The following LEPR variants were observed in gnomAD, a reference collection of about 807,000 sequenced individuals.
LEPR encodes the protein OB receptor.
In LEPR, 56 loss-of-function variants were observed where a neutral mutation model predicts 114.7. The observed-to-expected ratio is 0.49, with a 90% CI of 0.39 to 0.61. The LOEUF (loss-of-function observed/expected upper bound fraction) is 0.61, where lower values mean the gene tolerates loss of function less well. Ranked by LOEUF, LEPR falls within the 20% of genes least tolerant of loss-of-function variation. The pLI is 0.00. For synonymous variants in LEPR, 443 were observed against 461.4 expected (o/e 0.96, Z 0.51); for missense variants, 1,202 against 1,352.9 (o/e 0.89, Z 1.75).
intron 2 of LEPR, among the ~76,000 whole-genome samples, chr1:65,498,516 C>T (rs747607509): frequency 1.3e-5 from 2 of 151,884 alleles, no homozygotes; most frequent in East Asian, 3.9e-4. Context: ...ATGACGATGG[C>T]GAAATATGAC....
intron 2 of LEPR, among the ~76,000 whole-genome samples, chr1:65,512,177 C>A (rs1311292939): frequency 1.3e-5 from 2 of 152,024 alleles, no homozygotes; most frequent in Admixed American, 1.3e-4. Context: ...AGAGATTTGC[C>A]CCCATGACCC....
At chr1:65,434,327 T>TA (rs1646528691) in intron 2 of LEPR, 9 of 984,914 alleles carry the variant, frequency 9.1e-6, no homozygotes, top group Non-Finnish European at 1.1e-5. Context: ...GGCTCTTTTT[T>TA]TATATATTGT....
intron 2 of LEPR, among the ~76,000 whole-genome samples, chr1:65,534,314 T>C (rs1309099444): frequency 1.3e-5 from 2 of 152,192 alleles, no homozygotes; most frequent in Non-Finnish European, 2.9e-5. Flanking sequence ...CCTTAAGTTA[T>C]CGAAGTTGAA....
intron 2 of LEPR, among the ~76,000 whole-genome samples, chr1:65,546,916 G>A (rs1485597603): frequency 6.6e-6 from 1 of 152,098 alleles, no homozygotes; most frequent in South Asian, 2.1e-4. Context: ...TCCAGTTTTT[G>A]CCCATTCAGT....
rs551628626 is a variant in LEPR at position 65,588,578 on chromosome 1, A to C, written c.495-4079A>C. Among the ~76,000 whole-genome samples, 286 of 152,088 alleles carry C rather than the reference A, an allele frequency of 1.9e-3. 2 individuals carry two copies. The highest frequency in any genetic ancestry group is 6.6e-3 in the African/African-American group (274 of 41,516). On this transcript the variant is annotated intron_variant, in intron 5 of 19. Transcript: ENST00000349533. ...GTAATCCCACCCTCATGCTCCTACCATTGGTACTTCCTCCTCCCACCCCAC... is the reference window on the plus strand; with the variant it reads ...GTAATCCCACCCTCATGCTCCTACCCTTGGTACTTCCTCCTCCCACCCCAC...
At chr1:65,507,914 T>C (rs1250083133) in intron 2 of LEPR, among the ~76,000 whole-genome samples, 2 of 152,238 alleles carry the variant, frequency 1.3e-5, no homozygotes, top group African/African-American at 4.8e-5. Context: ...ATTGTAGTTT[T>C]AATATGCATT....
chr1:65,602,838 C>T (rs1476808452), intron 10 of LEPR, among the ~76,000 whole-genome samples: 3 of 152,042 alleles, frequency 2.0e-5, no homozygotes, highest in Non-Finnish European at 4.4e-5. Context: ...TGTGGCAATT[C>T]GTACATTTCT....
chr1:65,426,771 G>A (rs780181606), intron 2 of LEPR, among the ~76,000 whole-genome samples: 4 of 152,144 alleles, frequency 2.6e-5, no homozygotes, highest in Non-Finnish European at 4.4e-5. Context: ...GGCTGAGGCG[G>A]GCAGATCACG....
intron 2 of LEPR, among the ~76,000 whole-genome samples, chr1:65,498,088 G>A (rs776954790): frequency 1.3e-5 from 2 of 152,100 alleles, no homozygotes; most frequent in Non-Finnish European, 2.9e-5. Context: ...TAGGATAGTG[G>A]TATAATTAAT....
intron 2 of LEPR, among the ~76,000 whole-genome samples, chr1:65,477,602 G>A (rs903417180): frequency 2.0e-5 from 3 of 152,226 alleles, no homozygotes; most frequent in African/African-American, 7.2e-5. Context: ...CACCAAAGGA[G>A]TGTACACTGT....
rs921216859 is a variant in LEPR at position 65,638,328 on chromosome 1, T to A, written c.*1313T>A. 1 of 152,212 alleles carries A rather than the reference T, an allele frequency of 6.6e-6. No individual in the cohort carries two copies. The highest frequency in any genetic ancestry group is 1.5e-5 in the Non-Finnish European group (1 of 68,024). The allele number at this position is 152,212 out of a possible 1,614,324, so 9.4% of individuals were successfully genotyped here. On this transcript the variant is annotated 3_prime_UTR_variant, in exon 20 of 20. Transcript: ENST00000349533. Reference sequence around the variant, plus strand: ...CCTTTAACAACTTAAGATTAATACATAAGTTTATTATTTATTCAACTTTTG... The same window carrying A: ...CCTTTAACAACTTAAGATTAATACAAAAGTTTATTATTTATTCAACTTTTG...
At chr1:65,594,061 A>G (rs1459493030) in intron 6 of LEPR, among the ~76,000 whole-genome samples, 1 of 152,044 alleles carries the variant, frequency 6.6e-6, no homozygotes. Context: ...TTGAATATAT[A>G]TTATAATATC....
chr1:65,552,610 A>G (rs571517677), intron 2 of LEPR, among the ~76,000 whole-genome samples: 2 of 152,148 alleles, frequency 1.3e-5, no homozygotes, highest in Non-Finnish European at 2.9e-5. Context: ...CTCACATGCA[A>G]AGGCATGTGA....
At chr1:65,602,285 T>C (rs974012334) in intron 10 of LEPR, among the ~76,000 whole-genome samples, 1 of 152,002 alleles carries the variant, frequency 6.6e-6, no homozygotes, top group African/African-American at 2.4e-5. Context: ...CTTAGTTGAC[T>C]AGAGGAGAAT....
intron 2 of LEPR, among the ~76,000 whole-genome samples, chr1:65,517,174 T>C (rs922907657): frequency 1.3e-5 from 2 of 152,198 alleles, no homozygotes; most frequent in Non-Finnish European, 2.9e-5. Context: ...CTTTGGTAAA[T>C]ACTCCTGTAA....
intron 2 of LEPR, among the ~76,000 whole-genome samples, chr1:65,551,252 C>G (rs554526452): frequency 6.6e-6 from 1 of 152,070 alleles, no homozygotes; most frequent in Non-Finnish European, 1.5e-5. Context: ...GGAGGAATCC[C>G]TCTTTTCCTG....
chr1:65,480,469 A>G (rs1048806615), intron 2 of LEPR, among the ~76,000 whole-genome samples: 1 of 152,182 alleles, frequency 6.6e-6, no homozygotes, highest in Non-Finnish European at 1.5e-5. Context: ...AACACTCCCT[A>G]TCTCTGGAAA....
chr1:65,626,147 C>T (rs1570852023), intron 19 of LEPR: 1 of 1,612,370 alleles, frequency 6.2e-7, no homozygotes, highest in Non-Finnish European at 8.5e-7. Context: ...AAAGGAACTA[C>T]TGGGTGGAGG....
chr1:65,635,296 T>TA (rs200531368), intron 19 of LEPR: 1 of 969,312 alleles, frequency 1.0e-6, no homozygotes, highest in East Asian at 1.1e-4. Context: ...CAGCTTTTTT[T>TA]ATTTTGCATT....
Sources: allele counts gnomAD v4.1 joint callset (sites outside exome capture counted in the v4.1 genomes callset), GRCh38; gene constraint gnomAD v4.1.1; transcripts MANE v1.5; gene names NCBI Gene and HGNC (gene_info 2026-07-23, HGNC 2026-07-21).